The following RANBP2 variants were observed in gnomAD, a reference collection of about 807,000 sequenced individuals.
The protein encoded by RANBP2 is E3 SUMO-protein ligase RanBP2.
A neutral mutation model predicts 303.6 loss-of-function variants in RANBP2; 57 were observed. That is an observed-to-expected ratio of 0.19 (90% CI 0.15 to 0.23). RANBP2 has a LOEUF of 0.23. Ranked by LOEUF, RANBP2 falls within the 10% of genes least tolerant of loss-of-function variation. RANBP2 has a pLI of 1.00. For missense variants in RANBP2, 3,138 were observed against 3,780.8 expected, an observed-to-expected ratio of 0.83 and a Z score of 4.46; for synonymous variants, 1,167 against 1,301.5, an observed-to-expected ratio of 0.90 and a Z score of 2.23.
chr2:109,306,907 G>A, the RANBP2 span, among the ~76,000 whole-genome samples: 8 of 152,206 alleles, frequency 5.3e-5, no homozygotes, highest in African/African-American at 1.2e-4. Context: ...GTAGGGCCGC[G>A]GCATGCATGC....
At chr2:109,416,155 G>A in the RANBP2 span, among the ~76,000 whole-genome samples, 6 of 152,166 alleles carry the variant, frequency 3.9e-5, no homozygotes, top group African/African-American at 7.2e-5. Context: ...GTATTCTGTC[G>A]TAAGCAACAC....
chr2:109,106,435 C>T, the RANBP2 span, among the ~76,000 whole-genome samples: 3 of 152,296 alleles, frequency 2.0e-5, no homozygotes, highest in Non-Finnish European at 4.4e-5. Context: ...CTAATCTTCC[C>T]AAGTGTCCTC....
At chr2:109,453,837 G>A in the RANBP2 span, among the ~76,000 whole-genome samples, 8 of 152,320 alleles carry the variant, frequency 5.3e-5, no homozygotes, top group South Asian at 1.7e-3. Flanking sequence ...CAGGTCAGGG[G>A]AGACTTCCCG....
In RANBP2 at chr2:108,765,067, CTA is replaced by C; in HGVS notation, c.4529_4530del (p.Leu1510ProfsTer12). 1 of 1,613,942 alleles carries C rather than the reference CTA, an allele frequency of 6.2e-7. No homozygotes were observed. The highest frequency in any genetic ancestry group is 8.5e-7 in the Non-Finnish European group (1 of 1,179,950). On this transcript the variant is annotated frameshift_variant, in exon 20 of 29. Transcript: ENST00000283195. LOFTEE classifies it high-confidence loss of function. Reference sequence around the variant, plus strand: ...TTGTCAGAATCCGAGAAAACAGAGTCTACCTGCTACTTCTATTCCAACACCTG... The same window carrying C: ...TTGTCAGAATCCGAGAAAACAGAGTCCCTGCTACTTCTATTCCAACACCTG... ...AACQNPRKQS[L>X]PATSIPTPAS...
chr2:109,666,951 T>C, the RANBP2 span, among the ~76,000 whole-genome samples: 3 of 152,210 alleles, frequency 2.0e-5, no homozygotes, highest in African/African-American at 7.2e-5. Flanking sequence ...CCTAGAATTG[T>C]GGGTGTCCAC....
the RANBP2 span, among the ~76,000 whole-genome samples, chr2:109,628,635 T>G: frequency 1.3e-5 from 2 of 152,180 alleles, no homozygotes; most frequent in South Asian, 4.1e-4. Flanking sequence ...CTTTCTCAGG[T>G]GGATACATTT....
At chr2:109,218,140 C>CT in the RANBP2 span, among the ~76,000 whole-genome samples, 385 of 132,906 alleles carry the variant, frequency 2.9e-3, 1 homozygote, top group African/African-American at 0.011. Context: ...TTGTCCTCTC[C>CT]TTTTCTGTTC....
chr2:109,419,260 C>T, the RANBP2 span, among the ~76,000 whole-genome samples: 9 of 152,300 alleles, frequency 5.9e-5, no homozygotes, highest in South Asian at 4.1e-4. Flanking sequence ...GTCTGGAACA[C>T]GGCCTGACTA....
At chr2:109,088,819 T>C in the RANBP2 span, among the ~76,000 whole-genome samples, 35 of 152,298 alleles carry the variant, frequency 2.3e-4, no homozygotes, top group East Asian at 6.2e-3. Context: ...GCCAGTGCTG[T>C]CTTTAGTAAA....
chr2:109,264,575 A>G, the RANBP2 span, among the ~76,000 whole-genome samples: 1 of 152,274 alleles, frequency 6.6e-6, no homozygotes, highest in Non-Finnish European at 1.5e-5. Flanking sequence ...ATCTCAAGGC[A>G]CGATTTAAAA....
the RANBP2 span, among the ~76,000 whole-genome samples, chr2:109,348,741 T>A: frequency 6.6e-6 from 1 of 152,138 alleles, no homozygotes; most frequent in Non-Finnish European, 1.5e-5. Flanking sequence ...CCTCTCTCCC[T>A]CCTGCTTCCC....
chr2:108,830,273 A>G, the RANBP2 span, among the ~76,000 whole-genome samples: 4 of 152,244 alleles, frequency 2.6e-5, no homozygotes, highest in Non-Finnish European at 5.9e-5. Flanking sequence ...ATGGAGAGTT[A>G]TTATTTAATG....
At chr2:109,591,653 T>C in the RANBP2 span, among the ~76,000 whole-genome samples, 1 of 152,108 alleles carries the variant, frequency 6.6e-6, no homozygotes. Context: ...TCCAAGTGCT[T>C]TGGGAGGCGG....
chr2:109,251,076 A>G, the RANBP2 span, among the ~76,000 whole-genome samples: 1 of 151,858 alleles, frequency 6.6e-6, no homozygotes, highest in South Asian at 2.1e-4. Context: ...ATCTCGGCTC[A>G]TGGCAACCTC....
At chr2:109,162,798 C>T in the RANBP2 span, among the ~76,000 whole-genome samples, 2 of 152,196 alleles carry the variant, frequency 1.3e-5, no homozygotes, top group African/African-American at 4.8e-5. Flanking sequence ...CGAGGAATCA[C>T]CTTTTAACAA....
chr2:109,467,459 G>A, the RANBP2 span, among the ~76,000 whole-genome samples: 1 of 152,320 alleles, frequency 6.6e-6, no homozygotes, highest in Admixed American at 6.5e-5. Flanking sequence ...AGCAGCTCGG[G>A]GGTTTCCTGG....
the RANBP2 span, among the ~76,000 whole-genome samples, chr2:108,833,525 GGT>G: frequency 6.6e-6 from 1 of 152,170 alleles, no homozygotes; most frequent in Non-Finnish European, 1.5e-5. Flanking sequence ...AGTGAAGTCT[GGT>G]GTTTCTTAAG....
chr2:108,958,324 G>A, the RANBP2 span, among the ~76,000 whole-genome samples: 1 of 151,872 alleles, frequency 6.6e-6, no homozygotes, highest in African/African-American at 2.4e-5. Flanking sequence ...ACTTCAGCTC[G>A]TAACGACCAC....
chr2:109,111,146 C>CT, the RANBP2 span, among the ~76,000 whole-genome samples: 1 of 152,310 alleles, frequency 6.6e-6, no homozygotes, highest in East Asian at 1.9e-4. Context: ...GTAGCCCACT[C>CT]TATTTCTGGA....
Sources: gnomAD v4.1 joint callset for allele counts (sites outside exome capture counted in the v4.1 genomes callset) on GRCh38, gnomAD v4.1.1 for gene constraint, MANE v1.5 for transcripts, NCBI Gene and HGNC (gene_info 2026-07-23, HGNC 2026-07-21) for gene names.